The following MED13L variants were observed in gnomAD, a reference collection of about 807,000 sequenced individuals.
MED13L encodes the protein mediator of RNA polymerase II transcription subunit 13-like.
MED13L carries 7 observed loss-of-function variants against 220.9 expected under a neutral mutation model. The ratio of observed to expected loss-of-function variants is 0.03; its 90% CI spans 0.02 to 0.06. The LOEUF is 0.06. Ranked by LOEUF, MED13L falls within the 10% of genes least tolerant of loss-of-function variation. MED13L has a pLI of 1.00. For missense variants in MED13L, 1,965 were observed against 2,760.5 expected (o/e 0.71, Z 6.46); for synonymous variants, 1,011 against 1,015.2 (o/e 1.00, Z 0.08).
At chr12:116,192,825 A>G (rs947589841) in intron 2 of MED13L, among the ~76,000 whole-genome samples, 2 of 152,164 alleles carry the variant, frequency 1.3e-5, no homozygotes, top group Admixed American at 6.5e-5. Flanking sequence ...TGTCTCTACA[A>G]AAAATTTACA....
intron 4 of MED13L, among the ~76,000 whole-genome samples, chr12:116,087,903 A>T (rs931596057): frequency 1.3e-5 from 2 of 152,228 alleles, no homozygotes; most frequent in African/African-American, 4.8e-5. Flanking sequence ...AAAGGATGGT[A>T]TGCAACGTCA....
In MED13L at chr12:116,041,428, G is replaced by A. The variant is rs151106632; in HGVS notation, c.480-18827C>T. ...CTCAGGTAGTTCTTTATAGCAGTGC[G>A]AAAATGGACTAATACAGGCCCGAAG... On this transcript the variant is annotated intron_variant, in intron 4 of 30. Coordinates refer to ENST00000281928, the MANE Select transcript of MED13L (RefSeq NM_015335.5). Among the ~76,000 whole-genome samples, 829 of 152,240 alleles carry A rather than the reference G, an allele frequency of 5.4e-3. 6 individuals are homozygous for A. The highest frequency in any genetic ancestry group is 9.9e-3 in the Non-Finnish European group (670 of 68,008).
At chr12:115,970,950 A>G (rs1369179728) in intron 26 of MED13L, among the ~76,000 whole-genome samples, 180 bp from the exon 27 acceptor site, 2 of 152,216 alleles carry the variant, frequency 1.3e-5, no homozygotes, top group South Asian at 2.1e-4. Context: ...ATAGCTGTCT[A>G]TAATAACCCA....
rs553971904 is a variant in MED13L, at chr12:116,155,828, T to A, written c.311-44316A>T. Among the ~76,000 whole-genome samples, 7 of 152,304 alleles carry A rather than the reference T, an allele frequency of 4.6e-5. No homozygotes were observed. In the South Asian group the frequency reaches 1.4e-3, roughly 32 times the overall value. ...TTCAAAACACAAAAAACTAAATATA[T>A]TGATTCTAGGTCCCAAGCACTTATT... On this transcript the variant is annotated intron_variant, in intron 2 of 30. Transcript: ENST00000281928.
chr12:115,968,917 A>C, intron 28 of MED13L, 23 bp downstream of exon 28: 1 of 1,613,656 alleles, frequency 6.2e-7, no homozygotes, highest in Non-Finnish European at 8.5e-7. Context: ...TGTCTTAAAC[A>C]ACGTACTCCA....
At chr12:115,981,468 C>T (rs935480086) in intron 22 of MED13L, among the ~76,000 whole-genome samples, 6 of 152,118 alleles carry the variant, frequency 3.9e-5, no homozygotes, top group African/African-American at 1.4e-4. Context: ...CATTGTTTTT[C>T]ATCTATATAG....
At chr12:116,216,697 T>C (rs1047180479) in intron 2 of MED13L, among the ~76,000 whole-genome samples, 1 of 152,180 alleles carries the variant, frequency 6.6e-6, no homozygotes, top group African/African-American at 2.4e-5. Context: ...CATAAAGCCA[T>C]GCAGGAAATT....
chr12:116,260,932 A>G (rs1201320522), intron 1 of MED13L, among the ~76,000 whole-genome samples: 2 of 152,176 alleles, frequency 1.3e-5, no homozygotes, highest in Admixed American at 1.3e-4. Context: ...CTAGGTAACA[A>G]AGGCTGATAC....
At chr12:116,243,252 G>A (rs967679894) in intron 1 of MED13L, among the ~76,000 whole-genome samples, 6 of 152,126 alleles carry the variant, frequency 3.9e-5, no homozygotes, top group Admixed American at 3.3e-4. Flanking sequence ...GGTAGTCAGG[G>A]TTCTCAGAAA....
chr12:116,268,842 C>T (rs1234854723), intron 1 of MED13L, among the ~76,000 whole-genome samples: 1 of 152,168 alleles, frequency 6.6e-6, no homozygotes, highest in African/African-American at 2.4e-5. Context: ...GTCTTAAATA[C>T]ATTCAACTCA....
intron 17 of MED13L, among the ~76,000 whole-genome samples, chr12:115,988,297 C>A (rs1365735545): frequency 6.6e-6 from 1 of 152,120 alleles, no homozygotes; most frequent in Non-Finnish European, 1.5e-5. Flanking sequence ...AACTTTGGAA[C>A]AAATCACTCC....
At chr12:116,276,195 T>C (rs983456800) in intron 1 of MED13L, among the ~76,000 whole-genome samples, 3 of 152,028 alleles carry the variant, frequency 2.0e-5, no homozygotes, top group African/African-American at 7.2e-5. Context: ...GCTTCAAGAT[T>C]AAGGCAGGCG....
At chr12:116,065,765 T>C (rs1315662295) in intron 4 of MED13L, among the ~76,000 whole-genome samples, 15 of 152,180 alleles carry the variant, frequency 9.9e-5, no homozygotes, top group Non-Finnish European at 1.6e-4. Flanking sequence ...CATTAGGCCA[T>C]TAAGTAGTCA....
At chr12:116,002,853 A>G in intron 14 of MED13L, 150 bp downstream of exon 14, 1 of 688,744 alleles carries the variant, frequency 1.5e-6, no homozygotes, top group East Asian at 2.7e-5. Flanking sequence ...ATCTCAGAAC[A>G]CCAATTTATA....
At chr12:116,177,707 A>T (rs1002951151) in intron 2 of MED13L, among the ~76,000 whole-genome samples, 2 of 152,242 alleles carry the variant, frequency 1.3e-5, no homozygotes, top group African/African-American at 4.8e-5. Context: ...TTAAAAACAT[A>T]CAAAAAGGTA....
intron 2 of MED13L, among the ~76,000 whole-genome samples, chr12:116,209,875 C>T (rs1250469681): frequency 1.3e-5 from 2 of 152,182 alleles, no homozygotes; most frequent in African/African-American, 4.8e-5. Context: ...CGGTCCTAAC[C>T]TAGCATAAGT....
intron 2 of MED13L, among the ~76,000 whole-genome samples, chr12:116,207,664 G>A (rs1373561052): frequency 2.0e-5 from 3 of 151,954 alleles, no homozygotes; most frequent in Non-Finnish European, 2.9e-5. Flanking sequence ...AGCAGTTTGG[G>A]CATGGGAAAA....
chr12:116,165,707 G>A (rs565093740), intron 2 of MED13L, among the ~76,000 whole-genome samples: 3 of 152,006 alleles, frequency 2.0e-5, no homozygotes, highest in African/African-American at 2.4e-5. Context: ...TTCCTGTCTC[G>A]TTGCCCAACC....
At chr12:116,189,235 GT>G (rs1881105806) in intron 2 of MED13L, among the ~76,000 whole-genome samples, 1 of 147,282 alleles carries the variant, frequency 6.8e-6, no homozygotes, top group Admixed American at 6.8e-5. Context: ...GTTCACTGTA[GT>G]TTTAAATGGC....
Sources: gnomAD v4.1 joint callset for allele counts (sites outside exome capture counted in the v4.1 genomes callset) on GRCh38, gnomAD v4.1.1 for gene constraint, MANE v1.5 for transcripts, NCBI Gene and HGNC (gene_info 2026-07-23, HGNC 2026-07-21) for gene names.